AUH: variants seen among roughly 807,000 people sequenced by gnomAD.
AUH encodes methylglutaconyl-CoA hydratase, mitochondrial.
Under a neutral mutation model 42.3 loss-of-function variants are expected in AUH, and 29 were observed. That is an observed-to-expected ratio of 0.69 (90% CI 0.51 to 0.93). The LOEUF is 0.93. Among genes scored for constraint, AUH ranks in the 40% least tolerant of loss-of-function variants. The pLI, the probability that AUH is intolerant of heterozygous loss-of-function variation, is 0.00. For synonymous variants in AUH, 174 were observed against 166.4 expected, an observed-to-expected ratio of 1.05 and a Z score of -0.35; for missense variants, 452 against 438.1, an observed-to-expected ratio of 1.03 and a Z score of -0.28.
At chr9:91,262,056 C>A (rs375000161) in intron 6 of AUH, among the ~76,000 whole-genome samples, 1 of 152,114 alleles carries the variant, frequency 6.6e-6, no homozygotes, top group East Asian at 1.9e-4. Context: ...TTTAAAAGTT[C>A]AGTTGAAGGC....
chr9:91,331,066 C>G (rs1295087163), intron 3 of AUH, among the ~76,000 whole-genome samples: 1 of 152,066 alleles, frequency 6.6e-6, no homozygotes. Flanking sequence ...ACGCCCTACC[C>G]CCTCCAGCTG....
chr9:91,251,087 T>A (rs1189567350), intron 6 of AUH, among the ~76,000 whole-genome samples: 1 of 152,198 alleles, frequency 6.6e-6, no homozygotes, highest in Admixed American at 6.5e-5. Context: ...GTTACCGACG[T>A]ACCACAAAGA....
intron 7 of AUH, among the ~76,000 whole-genome samples, chr9:91,217,830 T>C (rs1467537708): frequency 2.6e-5 from 4 of 152,142 alleles, no homozygotes; most frequent in Admixed American, 6.5e-5. Flanking sequence ...TAATCAACAG[T>C]GTCCTCTAAG....
chr9:91,275,204 A>T (rs560586391), intron 6 of AUH, among the ~76,000 whole-genome samples: 1 of 152,348 alleles, frequency 6.6e-6, no homozygotes, highest in East Asian at 1.9e-4. Flanking sequence ...AGAAACACAG[A>T]GAGGCAAGTC....
At position 91,310,905 on chromosome 9, in the gene AUH, C is replaced by T. The variant is rs193166634; in HGVS notation, c.506-12829G>A. Among the ~76,000 whole-genome samples the T allele has an allele frequency of 2.6e-5, 4 of 152,270 alleles. No individual in the cohort carries two copies. The East Asian group carries it at 7.7e-4, about 29-fold the overall frequency. The stretch of plus-strand genomic sequence containing the variant: ...ATGAAAGTTTGATATGTATGTGCAT[C>T]TATTATACTGTAGTGGGTCTGTTAA... On this transcript the variant is annotated intron_variant, in intron 4 of 9. Transcript: ENST00000375731.
chr9:91,314,925 T>C (rs575995342), intron 4 of AUH, among the ~76,000 whole-genome samples: 1 of 152,318 alleles, frequency 6.6e-6, no homozygotes, highest in South Asian at 2.1e-4. Flanking sequence ...TTTCGTGTCA[T>C]CTGCTTCTTC....
At chr9:91,338,494 G>C (rs753598698) in intron 3 of AUH, among the ~76,000 whole-genome samples, 1 of 152,168 alleles carries the variant, frequency 6.6e-6, no homozygotes, top group Non-Finnish European at 1.5e-5. Flanking sequence ...GCAATGGCGC[G>C]ATCTCGGCTC....
chr9:91,285,061 A>G (rs2131587877), intron 6 of AUH, among the ~76,000 whole-genome samples: 2 of 152,366 alleles, frequency 1.3e-5, no homozygotes, highest in Middle Eastern at 6.8e-3. Flanking sequence ...GAACCAACCC[A>G]AATGTCCATC....
intron 6 of AUH, among the ~76,000 whole-genome samples, chr9:91,226,046 A>G (rs1198116304): frequency 1.4e-5 from 2 of 147,508 alleles, no homozygotes; most frequent in African/African-American, 5.0e-5. Context: ...CATGATTTAT[A>G]GTCCTTTGGG....
At chr9:91,264,625 G>A (rs1472905487) in intron 6 of AUH, among the ~76,000 whole-genome samples, 3 of 152,126 alleles carry the variant, frequency 2.0e-5, no homozygotes, top group Admixed American at 2.0e-4. Context: ...TCTGATAAAT[G>A]TATTTGGGAG....
chr9:91,253,919 A>G (rs151162981), intron 6 of AUH, among the ~76,000 whole-genome samples: 64 of 152,370 alleles, frequency 4.2e-4, no homozygotes, highest in African/African-American at 1.5e-3. Flanking sequence ...CAAGCTATAA[A>G]TATGTTGTGA....
Position 91,345,297 on chromosome 9 carries a change from C to G in AUH, c.418+10586G>C, listed in dbSNP as rs150764099. 1.1e-3 allele frequency among the ~76,000 whole-genome samples: 161 copies of G among 152,038 alleles called. 3 individuals are homozygous for G. In the East Asian group the frequency reaches 0.014, roughly 14 times the overall value. On this transcript the variant is annotated intron_variant, in intron 3 of 9. Coordinates refer to ENST00000375731, the MANE Select transcript of AUH (RefSeq NM_001698.3). The stretch of plus-strand genomic sequence containing the variant: ...ACTTGACTACCTTTGTAGAAAACCC[C>G]AGAGTATCTACAAAAAAGAGTCCTA...
intron 6 of AUH, among the ~76,000 whole-genome samples, chr9:91,268,620 G>A (rs2131492371): frequency 6.6e-6 from 1 of 152,198 alleles, no homozygotes; most frequent in South Asian, 2.1e-4. Flanking sequence ...AGTACAGATG[G>A]GGTTTCACCG....
intron 6 of AUH, among the ~76,000 whole-genome samples, chr9:91,232,946 G>A (rs929330080): frequency 5.3e-5 from 8 of 152,206 alleles, no homozygotes; most frequent in African/African-American, 1.9e-4. Flanking sequence ...CACCTCACAT[G>A]CTGTCTACTT....
intron 3 of AUH, among the ~76,000 whole-genome samples, chr9:91,337,506 C>T (rs1044525584): frequency 6.6e-6 from 1 of 152,172 alleles, no homozygotes; most frequent in Non-Finnish European, 1.5e-5. Context: ...TCAAATCAAG[C>T]TCAATTGAAG....
intron 6 of AUH, among the ~76,000 whole-genome samples, chr9:91,256,769 C>T (rs893854276): frequency 2.6e-5 from 4 of 152,012 alleles, no homozygotes; most frequent in African/African-American, 9.7e-5. Flanking sequence ...CTGGTGGCAA[C>T]CTGCATACCT....
chr9:91,322,487 A>G (rs1034946785), intron 4 of AUH, among the ~76,000 whole-genome samples: 1 of 152,240 alleles, frequency 6.6e-6, no homozygotes, highest in Non-Finnish European at 1.5e-5. Flanking sequence ...AAGAGGCAGA[A>G]TAGACAGCTA....
intron 6 of AUH, among the ~76,000 whole-genome samples, chr9:91,231,409 C>T (rs1016233609): frequency 6.6e-6 from 1 of 152,218 alleles, no homozygotes; most frequent in African/African-American, 2.4e-5. Flanking sequence ...CGCCCTGCTT[C>T]GGCTCACACA....
intron 3 of AUH, among the ~76,000 whole-genome samples, chr9:91,341,712 C>T (rs1447458999): frequency 5.3e-5 from 8 of 152,234 alleles, no homozygotes; most frequent in Non-Finnish European, 1.2e-4. Flanking sequence ...GGCAATAGGC[C>T]TCTGTCCTAA....
Sources: allele counts gnomAD v4.1 joint callset (sites outside exome capture counted in the v4.1 genomes callset), GRCh38; gene constraint gnomAD v4.1.1; transcripts MANE v1.5; gene names NCBI Gene and HGNC (gene_info 2026-07-23, HGNC 2026-07-21).